The following ROBO1 variants were observed in gnomAD, a reference collection of about 807,000 sequenced individuals.
ROBO1 encodes roundabout guidance receptor 1, also known as roundabout homolog 1.
Under a neutral mutation model 195.9 loss-of-function variants are expected in ROBO1, and 149 were observed. That is an observed-to-expected ratio of 0.76 (90% CI 0.67 to 0.87). The LOEUF is 0.87. ROBO1 is among the 40% of genes least tolerant of loss of function. The pLI, the probability that ROBO1 is intolerant of heterozygous loss-of-function variation, is 0.00. For synonymous variants in ROBO1, 816 were observed against 733.2 expected, an observed-to-expected ratio of 1.11 and a Z score of -1.82; for missense variants, 1,933 against 2,068.3, an observed-to-expected ratio of 0.93 and a Z score of 1.27.
At chr3:79,393,552 G>T (rs1187867740) in intron 2 of ROBO1, among the ~76,000 whole-genome samples, 1 of 152,136 alleles carries the variant, frequency 6.6e-6, no homozygotes, top group Non-Finnish European at 1.5e-5. Flanking sequence ...GGAATCTTCA[G>T]AAGAGAAAAT....
At chr3:79,641,782 C>T (rs1045591092) in intron 1 of ROBO1, among the ~76,000 whole-genome samples, 1 of 152,062 alleles carries the variant, frequency 6.6e-6, no homozygotes, top group African/African-American at 2.4e-5. Flanking sequence ...CTTTTGGAGG[C>T]CAGTGTGGGT....
Position 78,735,043 on chromosome 3 carries a change from T to C in ROBO1, c.657+11700A>G, listed in dbSNP as rs3773242. On this transcript the variant is annotated intron_variant, in intron 5 of 30. Transcript: ENST00000464233. ...TATATATCTTACACATTGAGACTTATATATTGATGTAAACCTATACATTGA... is the reference window on the plus strand; with the variant it reads ...TATATATCTTACACATTGAGACTTACATATTGATGTAAACCTATACATTGA... Among the ~76,000 whole-genome samples, 54 of 152,350 alleles carry C rather than the reference T, an allele frequency of 3.5e-4. No individual in the cohort carries two copies. In the East Asian group the frequency reaches 9.8e-3, roughly 28 times the overall value.
At chr3:79,134,936 C>T in intron 2 of ROBO1, among the ~76,000 whole-genome samples, 1 of 134,430 alleles carries the variant, frequency 7.4e-6, no homozygotes, top group African/African-American at 2.9e-5. Flanking sequence ...ATACCTAATG[C>T]TAGATGACAC....
chr3:78,739,171 G>T (rs188228086), intron 5 of ROBO1, among the ~76,000 whole-genome samples: 248 of 152,126 alleles, frequency 1.6e-3, no homozygotes, highest in Non-Finnish European at 3.0e-3. Context: ...GAAATAATTC[G>T]GGATAAATGA....
At chr3:79,095,499 G>A (rs1355336605) in intron 3 of ROBO1, among the ~76,000 whole-genome samples, 1 of 152,006 alleles carries the variant, frequency 6.6e-6, no homozygotes, top group Non-Finnish European at 1.5e-5. Flanking sequence ...CCTGGAAGAT[G>A]AACCTCCAGC....
intron 3 of ROBO1, among the ~76,000 whole-genome samples, chr3:78,956,409 C>G (rs1211738099): frequency 6.6e-6 from 1 of 152,038 alleles, no homozygotes; most frequent in African/African-American, 2.4e-5. Flanking sequence ...AAAGGGAAAT[C>G]TATTACTTAA....
chr3:79,761,174 T>C (rs2107521888), intron 1 of ROBO1, among the ~76,000 whole-genome samples: 1 of 148,538 alleles, frequency 6.7e-6, no homozygotes, highest in East Asian at 1.9e-4. Flanking sequence ...TATATGTATA[T>C]ACTTATAGTA....
At chr3:79,515,909 A>G (rs1451592285) in intron 2 of ROBO1, among the ~76,000 whole-genome samples, 9 of 152,150 alleles carry the variant, frequency 5.9e-5, no homozygotes, top group African/African-American at 2.2e-4. Flanking sequence ...TTACTTCATG[A>G]ATAAAATATA....
intron 4 of ROBO1, among the ~76,000 whole-genome samples, chr3:78,855,163 A>G (rs989407098): frequency 1.3e-5 from 2 of 152,032 alleles, no homozygotes; most frequent in Non-Finnish European, 2.9e-5. Flanking sequence ...TGAAGCCACT[A>G]AACACTTGAA....
At chr3:78,948,710 G>A (rs944593327) in intron 3 of ROBO1, among the ~76,000 whole-genome samples, 1 of 152,208 alleles carries the variant, frequency 6.6e-6, no homozygotes, top group Non-Finnish European at 1.5e-5. Flanking sequence ...ATTAGGAAAA[G>A]AGTAAGTCAA....
intron 4 of ROBO1, among the ~76,000 whole-genome samples, chr3:78,779,381 A>G (rs1051795214): frequency 2.0e-5 from 3 of 152,204 alleles, no homozygotes; most frequent in Non-Finnish European, 4.4e-5. Context: ...AATATCCAGA[A>G]TCTACAAAGA....
rs539853857 is a variant in ROBO1, at chr3:79,214,394, T to C, written c.89-88855A>G. ...GGTCACATAACCTAAGGGCTAAAGG[T>C]GGAATGTGGACTCATTTGGATATTG... On this transcript the variant is annotated intron_variant, in intron 2 of 30. Coordinates refer to ENST00000464233, the MANE Select transcript of ROBO1 (RefSeq NM_002941.4). Among the ~76,000 whole-genome samples the C allele has an allele frequency of 2.6e-5, 4 of 152,234 alleles. No individual in the cohort carries two copies. In the South Asian group the frequency reaches 8.3e-4, roughly 32 times the overall value.
At chr3:78,648,849 T>G (rs1475507402) in intron 19 of ROBO1, among the ~76,000 whole-genome samples, 1 of 152,114 alleles carries the variant, frequency 6.6e-6, no homozygotes, top group African/African-American at 2.4e-5. Flanking sequence ...AGAAATTTAC[T>G]GTAGAATCGG....
At chr3:79,338,060 T>C (rs2034749292) in intron 2 of ROBO1, among the ~76,000 whole-genome samples, 1 of 152,194 alleles carries the variant, frequency 6.6e-6, no homozygotes, top group Admixed American at 6.5e-5. Flanking sequence ...AAATCAATTC[T>C]AATTATTATT....
chr3:78,787,807 C>G (rs1234207129), intron 4 of ROBO1, among the ~76,000 whole-genome samples: 1 of 151,842 alleles, frequency 6.6e-6, no homozygotes, highest in African/African-American at 2.4e-5. Context: ...AAATCTGATA[C>G]AGTGTTGTGA....
chr3:79,611,370 T>G (rs1396986412), intron 1 of ROBO1, among the ~76,000 whole-genome samples: 1 of 152,048 alleles, frequency 6.6e-6, no homozygotes, highest in Admixed American at 6.6e-5. Context: ...CAAATTAAAA[T>G]CATTTGACTT....
At chr3:78,812,362 G>C (rs920282199) in intron 4 of ROBO1, among the ~76,000 whole-genome samples, 1 of 152,126 alleles carries the variant, frequency 6.6e-6, no homozygotes, top group African/African-American at 2.4e-5. Flanking sequence ...CCATGCTGGA[G>C]TCCTGCCATT....
At chr3:79,449,017 A>T (rs1376627133) in intron 2 of ROBO1, among the ~76,000 whole-genome samples, 1 of 152,076 alleles carries the variant, frequency 6.6e-6, no homozygotes, top group Non-Finnish European at 1.5e-5. Context: ...ATCGCTTGAG[A>T]CCAGAAGTTT....
intron 2 of ROBO1, among the ~76,000 whole-genome samples, chr3:79,151,176 C>T (rs1047876330): frequency 2.7e-4 from 41 of 151,962 alleles, no homozygotes; most frequent in Admixed American, 2.0e-4. Context: ...GCCTCTCCAG[C>T]CATGTGGAAC....
Sources: gnomAD v4.1 joint callset for allele counts (sites outside exome capture counted in the v4.1 genomes callset) on GRCh38, gnomAD v4.1.1 for gene constraint, MANE v1.5 for transcripts, NCBI Gene and HGNC (gene_info 2026-07-23, HGNC 2026-07-21) for gene names.